Variants in ENOX1 observed in about 807,000 individuals in gnomAD.
The protein encoded by ENOX1 is candidate growth-related and time keeping constitutive hydroquinone (NADH) oxidase.
ENOX1 carries 42 observed loss-of-function variants against 82.5 expected under a neutral mutation model. That is an observed-to-expected ratio of 0.51 (90% CI 0.40 to 0.66). The LOEUF (loss-of-function observed/expected upper bound fraction) is 0.66. ENOX1 is among the 30% of genes least tolerant of loss of function. The probability of loss-of-function intolerance (pLI) is 0.00; values close to 1 mark genes in which losing one functional copy is unlikely to be tolerated. For missense variants in ENOX1, 608 were observed against 811.6 expected (o/e 0.75, Z 3.05); for synonymous variants, 271 against 282.2 (o/e 0.96, Z 0.40).
intron 11 of ENOX1, among the ~76,000 whole-genome samples, chr13:43,316,276 T>C (rs2153521916): frequency 6.6e-6 from 1 of 152,294 alleles, no homozygotes; most frequent in Middle Eastern, 3.4e-3. Flanking sequence ...AGGCCTCAGC[T>C]GAATTTCACC....
intron 9 of ENOX1, 140 bp from the exon 10 acceptor site, chr13:43,326,665 T>G: frequency 1.4e-6 from 1 of 718,210 alleles, no homozygotes; most frequent in East Asian, 2.6e-5. Flanking sequence ...TTTGTGCCTT[T>G]CGTACTTACA....
chr13:43,250,743 T>C (rs985699209), intron 14 of ENOX1, among the ~76,000 whole-genome samples: 1 of 152,186 alleles, frequency 6.6e-6, no homozygotes, highest in Non-Finnish European at 1.5e-5. Context: ...AGATGAATAA[T>C]AGTGGTTCCT....
At chr13:43,523,770 G>A (rs1208945339) in intron 2 of ENOX1, among the ~76,000 whole-genome samples, 1 of 152,002 alleles carries the variant, frequency 6.6e-6, no homozygotes, top group East Asian at 1.9e-4. Flanking sequence ...CTGAGGTATT[G>A]TTCTGATTCC....
chr13:43,311,400 C>T (rs1286443148), intron 11 of ENOX1, among the ~76,000 whole-genome samples: 1 of 151,744 alleles, frequency 6.6e-6, no homozygotes, highest in Non-Finnish European at 1.5e-5. Context: ...AAATATCCCC[C>T]AACAGATTAA....
At chr13:43,568,426 G>C (rs2080016300) in intron 2 of ENOX1, among the ~76,000 whole-genome samples, 1 of 152,084 alleles carries the variant, frequency 6.6e-6, no homozygotes, top group Non-Finnish European at 1.5e-5. Flanking sequence ...AAAAAAGACA[G>C]AGACTCCTCT....
intron 1 of ENOX1, among the ~76,000 whole-genome samples, chr13:43,695,393 C>G (rs1376807861): frequency 2.0e-5 from 3 of 151,172 alleles, no homozygotes; most frequent in Non-Finnish European, 4.4e-5. Flanking sequence ...CACCTTGGTT[C>G]AACAAAACAT....
At chr13:43,418,298 C>A (rs746387054) in intron 3 of ENOX1, among the ~76,000 whole-genome samples, 1 of 152,272 alleles carries the variant, frequency 6.6e-6, no homozygotes, top group East Asian at 1.9e-4. Context: ...GAGGTGGAGG[C>A]GGGCCAATCA....
chr13:43,602,584 G>A (rs2081775070), intron 2 of ENOX1, among the ~76,000 whole-genome samples: 1 of 152,056 alleles, frequency 6.6e-6, no homozygotes, highest in Non-Finnish European at 1.5e-5. Flanking sequence ...ATTCATGCCA[G>A]CTCATGGAAA....
chr13:43,238,111 C>A (rs2042638191), intron 14 of ENOX1, among the ~76,000 whole-genome samples: 1 of 152,164 alleles, frequency 6.6e-6, no homozygotes. Context: ...GAGGGTATAA[C>A]AGGCCTCAGG....
intron 9 of ENOX1, 48 bp downstream of exon 9, chr13:43,344,490 A>C: frequency 6.7e-7 from 1 of 1,494,806 alleles, no homozygotes; most frequent in African/African-American, 1.4e-5. Context: ...AATAAAAAAG[A>C]AAAGGCAAAA....
In ENOX1 at chr13:43,214,040, G is replaced by A. The variant is rs1351936129; in HGVS notation, c.1882C>T (p.Leu628=). The A allele has an allele frequency of 6.2e-7, 1 of 1,613,498 alleles. No homozygotes were observed. The highest frequency in any genetic ancestry group is 1.7e-5 in the Admixed American group (1 of 59,922). ...KQEFTGVGAT[L]EKRWKLCAFE... is the part of the protein sequence containing the mutation. Reference sequence around the variant, plus strand: ...GCACACAGCTTCCATCTTTTTTCCAGCGTGGCTCCCACACCCGTGAATTCC... The same window carrying A: ...GCACACAGCTTCCATCTTTTTTCCAACGTGGCTCCCACACCCGTGAATTCC... The change falls in exon 17 of 17, where the codon CTG becomes TTG. Residue 628 remains leucine (L), a synonymous_variant. Coordinates refer to ENST00000690772, the MANE Select transcript of ENOX1 (RefSeq NM_001347969.2).
At chr13:43,445,678 G>A (rs2056615562) in intron 3 of ENOX1, among the ~76,000 whole-genome samples, 1 of 152,092 alleles carries the variant, frequency 6.6e-6, no homozygotes, top group African/African-American at 2.4e-5. Flanking sequence ...CAACTTTTAT[G>A]TGTGATGTAC....
intron 1 of ENOX1, among the ~76,000 whole-genome samples, chr13:43,672,813 C>T (rs1026512312): frequency 1.3e-5 from 2 of 152,142 alleles, no homozygotes; most frequent in Admixed American, 1.3e-4. Flanking sequence ...GATTTCAGTG[C>T]TATAAGTCTG....
Position 43,269,640 on chromosome 13 carries a change from A to G in ENOX1, c.1447-63T>C, listed in dbSNP as rs1332880472. 5.6e-6 allele frequency: 7 copies of G among 1,249,938 alleles called. No individual in the cohort carries two copies. The Admixed American group carries it at 1.0e-4, about 18-fold the overall frequency. The allele number at this position is 1,249,938 out of a possible 1,614,324, so 77.4% of individuals were successfully genotyped here. On this transcript the variant is annotated intron_variant, in intron 12 of 16. Transcript: ENST00000690772. ...AAGGTCAGGTGATTTAAAAATATCC[A>G]CAATACCCATTCAAAATTATGAGTA...
intron 1 of ENOX1, among the ~76,000 whole-genome samples, chr13:43,672,317 T>G (rs1011846697): frequency 2.6e-5 from 4 of 152,204 alleles, no homozygotes; most frequent in African/African-American, 9.6e-5. Flanking sequence ...GTAAATTTAC[T>G]AAAGTAAAGT....
intron 2 of ENOX1, among the ~76,000 whole-genome samples, chr13:43,538,487 TATC>T (rs147881650): frequency 0.016 from 2,467 of 152,340 alleles, 69 homozygotes; most frequent in African/African-American, 0.056. Context: ...ATAAATACTT[TATC>T]ATCATATAAT....
chr13:43,298,037 G>A (rs938129074), intron 12 of ENOX1, among the ~76,000 whole-genome samples: 8 of 152,226 alleles, frequency 5.3e-5, no homozygotes, highest in Non-Finnish European at 8.8e-5. Flanking sequence ...CTTGTATCAT[G>A]CAGGGATCTG....
At chr13:43,678,305 C>T (rs1260004601) in intron 1 of ENOX1, among the ~76,000 whole-genome samples, 2 of 152,214 alleles carry the variant, frequency 1.3e-5, no homozygotes, top group African/African-American at 4.8e-5. Context: ...TGATCTTAAA[C>T]TAATGGTACT....
intron 2 of ENOX1, among the ~76,000 whole-genome samples, chr13:43,659,179 T>A (rs2084593625): frequency 6.6e-6 from 1 of 152,138 alleles, no homozygotes; most frequent in African/African-American, 2.4e-5. Flanking sequence ...GAGATACTGA[T>A]GATTTCTTTT....
Sources: allele counts gnomAD v4.1 joint callset (sites outside exome capture counted in the v4.1 genomes callset), GRCh38; gene constraint gnomAD v4.1.1; transcripts MANE v1.5; gene names NCBI Gene and HGNC (gene_info 2026-07-23, HGNC 2026-07-21).